Variants in COL23A1 observed in about 807,000 individuals in gnomAD.
The protein encoded by COL23A1 is collagen alpha-1(XXIII) chain.
COL23A1 carries 97 observed loss-of-function variants against 99.3 expected under a neutral mutation model. That is an observed-to-expected ratio of 0.98 (90% CI 0.83 to 1.16). The LOEUF is 1.16. COL23A1 is among the 50% of genes most tolerant of loss of function. The probability of loss-of-function intolerance (pLI) is 0.00; values close to 1 mark genes in which losing one functional copy is unlikely to be tolerated. For missense variants in COL23A1, 762 were observed against 757.4 expected (o/e 1.01, Z -0.07); for synonymous variants, 320 against 308.2 (o/e 1.04, Z -0.40).
At chr5:178,511,975 C>G (rs1436605636) in intron 2 of COL23A1, among the ~76,000 whole-genome samples, 1 of 152,176 alleles carries the variant, frequency 6.6e-6, no homozygotes, top group East Asian at 1.9e-4. Flanking sequence ...GATTTCGTAA[C>G]TATCTTTTTG....
At chr5:178,256,821 C>G (rs761826449) in intron 14 of COL23A1, 45 bp downstream of exon 14, 2 of 1,581,732 alleles carry the variant, frequency 1.3e-6, no homozygotes, top group South Asian at 1.1e-5. Context: ...GGGTGGAGGT[C>G]TGAGCGGGGC....
chr5:178,487,943 G>C (rs1288133620), intron 2 of COL23A1, among the ~76,000 whole-genome samples: 1 of 152,184 alleles, frequency 6.6e-6, no homozygotes, highest in Non-Finnish European at 1.5e-5. Flanking sequence ...TTGTGGCTGG[G>C]GGTTAAGAAC....
intron 2 of COL23A1, among the ~76,000 whole-genome samples, chr5:178,432,311 G>A (rs978602530): frequency 6.6e-6 from 1 of 152,200 alleles, no homozygotes; most frequent in African/African-American, 2.4e-5. Context: ...TCGTTACACA[G>A]GTGTTGGAGG....
At chr5:178,518,503 G>C (rs1394098893) in intron 2 of COL23A1, among the ~76,000 whole-genome samples, 2 of 147,312 alleles carry the variant, frequency 1.4e-5, no homozygotes, top group South Asian at 2.2e-4. Flanking sequence ...CCTCCCGGAC[G>C]GGGTGGCTGG....
intron 2 of COL23A1, among the ~76,000 whole-genome samples, chr5:178,372,565 G>A (rs1762855172): frequency 6.6e-6 from 1 of 152,190 alleles, no homozygotes; most frequent in South Asian, 2.1e-4. Flanking sequence ...TGACAGCCCA[G>A]CTTCCGATTT....
chr5:178,359,649 C>G (rs1184063362), intron 2 of COL23A1, among the ~76,000 whole-genome samples: 1 of 152,220 alleles, frequency 6.6e-6, no homozygotes, highest in East Asian at 1.9e-4. Flanking sequence ...AGTGAAAACC[C>G]AGTCTACATT....
At chr5:178,496,291 G>A (rs1758196844) in intron 2 of COL23A1, among the ~76,000 whole-genome samples, 1 of 152,138 alleles carries the variant, frequency 6.6e-6, no homozygotes, top group Admixed American at 6.5e-5. Context: ...AGGCCCCGAA[G>A]CCACTCACTC....
At chr5:178,300,735 A>ATTTTTTTT (rs563601112) in intron 3 of COL23A1, among the ~76,000 whole-genome samples, 1 of 150,354 alleles carries the variant, frequency 6.7e-6, no homozygotes, top group Admixed American at 6.6e-5. Flanking sequence ...TTATTTATTT[A>ATTTTTTTT]TTTTTTTTAG....
chr5:178,588,212 G>A (rs1764097348), intron 1 of COL23A1, among the ~76,000 whole-genome samples: 1 of 152,120 alleles, frequency 6.6e-6, no homozygotes, highest in Non-Finnish European at 1.5e-5. Flanking sequence ...AGTGCAGCCG[G>A]GAGGGGGGAA....
chr5:178,443,299 G>C (rs943755310), intron 2 of COL23A1, among the ~76,000 whole-genome samples: 4 of 152,160 alleles, frequency 2.6e-5, no homozygotes, highest in African/African-American at 9.7e-5. Context: ...GGATCCGAAC[G>C]ACTTCTACTC....
At position 178,365,136 on chromosome 5, in the gene COL23A1, C is replaced by CGTGTGTGTGTGTGTGT. The variant is rs55995523; in HGVS notation, c.362-58233_362-58218dup. ...GGGCTTTATGATGTTGCTGTGTGTGCGTGTGTGTGTGTGTGTGTGTGTGTG... is the reference window on the plus strand; with the variant it reads ...GGGCTTTATGATGTTGCTGTGTGTGCGTGTGTGTGTGTGTGTGTGTGTGTGTGTGTGTGTGTGTGTG... On this transcript the variant is annotated intron_variant, in intron 2 of 28. Coordinates refer to ENST00000390654, the MANE Select transcript of COL23A1 (RefSeq NM_173465.4). The surrounding 1 kb of genome is among the most constrained non-coding windows in gnomAD (Gnocchi z 5.2). 1.6e-4 allele frequency among the ~76,000 whole-genome samples: 24 copies of CGTGTGTGTGTGTGTGT among 147,910 alleles called. No homozygotes were observed. The East Asian group carries it at 2.1e-3, about 13-fold the overall frequency.
chr5:178,307,497 G>T lies in COL23A1; in HGVS notation c.362-578C>A, dbSNP rs573623508. ...CCCAGAGCCAGGGAGCTGCTCAGCC[G>T]CCTTCTGGGCTTCCTGTCCACGTCT... On this transcript the variant is annotated intron_variant, in intron 2 of 28. Coordinates refer to ENST00000390654, the MANE Select transcript of COL23A1 (RefSeq NM_173465.4). The surrounding 1 kb of genome is among the most constrained non-coding windows in gnomAD (Gnocchi z 4.2). Among the ~76,000 whole-genome samples the T allele has an allele frequency of 5.3e-5, 8 of 152,316 alleles. No individual in the cohort carries two copies. The highest frequency in any genetic ancestry group is 2.0e-4 in the Admixed American group (3 of 15,304).
chr5:178,245,618 C>A (rs191169539), intron 25 of COL23A1, among the ~76,000 whole-genome samples: 41 of 152,012 alleles, frequency 2.7e-4, no homozygotes, highest in Non-Finnish European at 5.9e-4. Context: ...ATCCACCCAT[C>A]CATCCATTTA....
chr5:178,477,695 T>A (rs767735639), intron 2 of COL23A1, among the ~76,000 whole-genome samples: 1 of 152,118 alleles, frequency 6.6e-6, no homozygotes, highest in Non-Finnish European at 1.5e-5. Context: ...TGAAAACATG[T>A]ATGTGTGCAA....
chr5:178,525,026 G>A, intron 2 of COL23A1, among the ~76,000 whole-genome samples: 1 of 151,948 alleles, frequency 6.6e-6, no homozygotes, highest in South Asian at 2.1e-4. Context: ...ACTCGGCTAA[G>A]CTCACATGGC....
In COL23A1 at chr5:178,307,312, G is replaced by T. The variant is rs1391817567; in HGVS notation, c.362-393C>A. ...AGTAAGGGTGGGTTATCTTAGGAAA[G>T]CCCTGACAAACGCTGCTTCATATTC... is the stretch of plus-strand genomic sequence containing the variant. On this transcript the variant is annotated intron_variant, in intron 2 of 28. Coordinates refer to ENST00000390654, the MANE Select transcript of COL23A1 (RefSeq NM_173465.4). The surrounding 1 kb of genome is among the most constrained non-coding windows in gnomAD (Gnocchi z 4.2). Among the ~76,000 whole-genome samples, 1 of 151,150 alleles carries T rather than the reference G, an allele frequency of 6.6e-6. No individual in the cohort carries two copies. Among genetic ancestry groups the T allele is most frequent in the Non-Finnish European group, 1.5e-5 (1 of 67,714 alleles).
intron 2 of COL23A1, among the ~76,000 whole-genome samples, chr5:178,322,881 C>T (rs1426773010): frequency 6.6e-6 from 1 of 152,186 alleles, no homozygotes; most frequent in South Asian, 2.1e-4. Context: ...TGGGGACAGG[C>T]GGATAGCTCG....
intron 3 of COL23A1, among the ~76,000 whole-genome samples, chr5:178,296,962 A>G (rs1445564121): frequency 1.3e-5 from 2 of 152,138 alleles, no homozygotes; most frequent in Non-Finnish European, 2.9e-5. Context: ...GGCGTTTACA[A>G]AATGCCCAAC....
chr5:178,424,876 T>G (rs1415779884), intron 2 of COL23A1, among the ~76,000 whole-genome samples: 1 of 152,150 alleles, frequency 6.6e-6, no homozygotes, highest in Admixed American at 6.5e-5. Context: ...CAGAGGGGGT[T>G]CAGTAAGTGA....
Sources: allele counts gnomAD v4.1 joint callset (sites outside exome capture counted in the v4.1 genomes callset), GRCh38; gene constraint gnomAD v4.1.1; non-coding constraint Gnocchi (gnomAD v3.1); transcripts MANE v1.5; gene names NCBI Gene and HGNC (gene_info 2026-07-23, HGNC 2026-07-21).